The following SLC45A4 variants were observed in gnomAD, a reference collection of about 807,000 sequenced individuals.
SLC45A4 encodes the protein polyamine-transporter SLC45A4.
In SLC45A4, 32 loss-of-function variants were observed where a neutral mutation model predicts 63.7. That is an observed-to-expected ratio of 0.50 (90% CI 0.38 to 0.67). The LOEUF (loss-of-function observed/expected upper bound fraction) is 0.67. SLC45A4 is among the 30% of genes least tolerant of loss of function. The pLI, the probability that SLC45A4 is intolerant of heterozygous loss-of-function variation, is 0.00. For synonymous variants in SLC45A4, 535 were observed against 510.0 expected, an observed-to-expected ratio of 1.05 and a Z score of -0.66; for missense variants, 1,027 against 1,157.7, an observed-to-expected ratio of 0.89 and a Z score of 1.64.
rs1030561423 is a variant in SLC45A4, at chr8:141,286,097, G to A, written c.-401+21999C>T. Among the ~76,000 whole-genome samples the A allele has an allele frequency of 2.3e-4, 35 of 152,126 alleles. 1 individual carries two copies. The highest frequency in any genetic ancestry group is 4.4e-4 in the Non-Finnish European group (30 of 68,000). On this transcript the variant is annotated intron_variant, in intron 1 of 8. Transcript: ENST00000517878. ...ACCAAGGACACACTGGCTCCCCTCCGCTGGGGACTTCCTGGTCGTGAGCTA... is the reference window on the plus strand; with the variant it reads ...ACCAAGGACACACTGGCTCCCCTCCACTGGGGACTTCCTGGTCGTGAGCTA...
At chr8:141,261,497 C>A (rs576162208) in intron 1 of SLC45A4, among the ~76,000 whole-genome samples, 3,040 of 152,212 alleles carry the variant, frequency 0.02, 98 homozygotes, top group African/African-American at 0.07. Flanking sequence ...CCAAAATCTC[C>A]TTAAGCTGAT....
At chr8:141,244,074 C>T (rs1221067623) in intron 2 of SLC45A4, among the ~76,000 whole-genome samples, 1 of 152,090 alleles carries the variant, frequency 6.6e-6, no homozygotes, top group African/African-American at 2.4e-5. Context: ...CAGCTGTATA[C>T]CCAACTGCCC....
chr8:141,233,402 A>T (rs1384202246), intron 2 of SLC45A4, among the ~76,000 whole-genome samples: 1 of 152,196 alleles, frequency 6.6e-6, no homozygotes, highest in African/African-American at 2.4e-5. Flanking sequence ...TAAAAAAAAC[A>T]CAGCCAGGTG....
intron 2 of SLC45A4, among the ~76,000 whole-genome samples, chr8:141,231,462 C>A (rs1304010200): frequency 6.6e-6 from 1 of 152,226 alleles, no homozygotes; most frequent in Non-Finnish European, 1.5e-5. Flanking sequence ...CACAAGGTCA[C>A]CACTGGATGA....
chr8:141,225,709 G>A (rs539381772), intron 2 of SLC45A4: 1 of 152,620 alleles, frequency 6.6e-6, no homozygotes, highest in South Asian at 2.1e-4. Context: ...GAGACAAGAA[G>A]GCACAGGGCA....
In SLC45A4 at chr8:141,286,412, C is replaced by T. The variant is rs551502735; in HGVS notation, c.-401+21684G>A. Among the ~76,000 whole-genome samples the T allele has an allele frequency of 7.2e-5, 11 of 152,286 alleles. No individual in the cohort carries two copies. In the South Asian group the frequency reaches 1.7e-3, roughly 23 times the overall value. ...GTTGTTACAAGCAGAGCCAGGTAAG[C>T]GCAGAAGCCTGCCAATGTATCTTCC... is the stretch of plus-strand genomic sequence containing the variant. On this transcript the variant is annotated intron_variant, in intron 1 of 8. Transcript: ENST00000517878.
chr8:141,273,490 G>C, intron 1 of SLC45A4, among the ~76,000 whole-genome samples: 1 of 152,142 alleles, frequency 6.6e-6, no homozygotes, highest in South Asian at 2.1e-4. Context: ...AGCAAACGCA[G>C]GTACAAACAA....
rs147249193 is a variant in SLC45A4 at position 141,215,583 on chromosome 8, G to C, written c.1941+176C>G. Among the ~76,000 whole-genome samples, 4 of 152,262 alleles carry C rather than the reference G, an allele frequency of 2.6e-5. No homozygotes were observed. Among genetic ancestry groups the C allele is most frequent in the South Asian group, 2.1e-4 (1 of 4,828 alleles). ...AGAAGACCCTTTGTGGCCAGGGACC[G>C]ATCAGGGGCAGGTGGTGGCTCTGTG... On this transcript the variant is annotated intron_variant, in intron 7 of 8. Transcript: ENST00000517878. This position sits in a 1 kb window ranked among gnomAD's most constrained non-coding sequence, Gnocchi z 4.3.
At chr8:141,236,319 A>T (rs1207333025) in intron 2 of SLC45A4, among the ~76,000 whole-genome samples, 2 of 152,176 alleles carry the variant, frequency 1.3e-5, no homozygotes, top group African/African-American at 4.8e-5. Flanking sequence ...TTCAAACTGG[A>T]ACTCAAACTC....
intron 1 of SLC45A4, among the ~76,000 whole-genome samples, chr8:141,301,235 C>T (rs370137024): frequency 9.8e-4 from 149 of 152,146 alleles, no homozygotes; most frequent in Non-Finnish European, 1.8e-3. Context: ...GCACCTTAAA[C>T]GGGCCCCACC....
intron 1 of SLC45A4, among the ~76,000 whole-genome samples, chr8:141,280,776 A>G (rs1324811237): frequency 1.3e-5 from 2 of 152,218 alleles, no homozygotes; most frequent in African/African-American, 4.8e-5. Flanking sequence ...CCTGACTCGC[A>G]CAGGTAACTG....
At chr8:141,222,331 G>A (rs548801317) in intron 2 of SLC45A4, among the ~76,000 whole-genome samples, 1 of 152,356 alleles carries the variant, frequency 6.6e-6, no homozygotes, top group African/African-American at 2.4e-5. Context: ...GCAAAAGGCT[G>A]TTCTGTGTGG....
chr8:141,279,761 T>C (rs1829866433), intron 1 of SLC45A4, among the ~76,000 whole-genome samples: 1 of 152,236 alleles, frequency 6.6e-6, no homozygotes, highest in Admixed American at 6.5e-5. Flanking sequence ...CAATTCCATC[T>C]GCGAACAAAA....
Position 141,244,983 on chromosome 8 carries a change from G to A in SLC45A4, c.241+9006C>T, listed in dbSNP as rs1828109518. 2.0e-5 allele frequency among the ~76,000 whole-genome samples: 3 copies of A among 149,592 alleles called. No homozygotes were observed. In the South Asian group the frequency reaches 6.6e-4, roughly 33 times the overall value. On this transcript the variant is annotated intron_variant, in intron 2 of 8. Coordinates refer to ENST00000517878, the MANE Select transcript of SLC45A4 (RefSeq NM_001286646.2). The stretch of plus-strand genomic sequence containing the variant: ...GGGGGGGGGGGGCGGTGTGGAGGTG[G>A]AGGCTGGGCTAGAGTGGGGTGCAAT...
chr8:141,298,404 C>A (rs1410660421), intron 1 of SLC45A4, among the ~76,000 whole-genome samples: 2 of 152,230 alleles, frequency 1.3e-5, no homozygotes, highest in African/African-American at 4.8e-5. Context: ...TTCTCAGGCA[C>A]CTGCCTTGAG....
At chr8:141,268,461 G>A (rs1252907438) in intron 1 of SLC45A4, among the ~76,000 whole-genome samples, 1 of 152,200 alleles carries the variant, frequency 6.6e-6, no homozygotes, top group Non-Finnish European at 1.5e-5. Context: ...GGGTGACAGA[G>A]ACGTGCCACT....
intron 7 of SLC45A4, among the ~76,000 whole-genome samples, chr8:141,214,727 TAGAG>T (rs1306000520): frequency 1.3e-5 from 2 of 151,974 alleles, no homozygotes; most frequent in Non-Finnish European, 2.9e-5. Context: ...TGTGCAAGAA[TAGAG>T]AGACTAGCGG....
chr8:141,220,816 T>A (rs1826573026), intron 3 of SLC45A4, among the ~76,000 whole-genome samples: 1 of 152,210 alleles, frequency 6.6e-6, no homozygotes, highest in African/African-American at 2.4e-5. Context: ...GGAAGCCACG[T>A]TGTTCCAGCA....
chr8:141,228,056 G>C (rs768616236), intron 2 of SLC45A4: 76 of 1,202,714 alleles, frequency 6.3e-5, no homozygotes, highest in Non-Finnish European at 4.9e-5. Flanking sequence ...GGGTGAGGCA[G>C]AGCCCTGAGG....
Sources: allele counts gnomAD v4.1 joint callset (sites outside exome capture counted in the v4.1 genomes callset), GRCh38; gene constraint gnomAD v4.1.1; non-coding constraint Gnocchi (gnomAD v3.1); transcripts MANE v1.5; gene names NCBI Gene and HGNC (gene_info 2026-07-23, HGNC 2026-07-21).